The following NOS1 variants were observed in gnomAD, a reference collection of about 807,000 sequenced individuals.
NOS1 encodes the protein nitric oxide synthase 1, also known as NOS type I.
A neutral mutation model predicts 164.5 loss-of-function variants in NOS1; 51 were observed. The observed-to-expected ratio is 0.31, with a 90% CI of 0.25 to 0.39. The LOEUF (loss-of-function observed/expected upper bound fraction) is 0.39. Among genes scored for constraint, NOS1 ranks in the 10% least tolerant of loss-of-function variants. NOS1 has a pLI of 1.00. For synonymous variants in NOS1, 719 were observed against 745.8 expected (o/e 0.96, Z 0.59); for missense variants, 1,362 against 1,885.6 (o/e 0.72, Z 5.14).
chr12:117,273,984 C>T lies in NOS1; in HGVS notation c.1665-1425G>A, dbSNP rs868686009. ...AACACACAGGATTATATTAAACTAA[C>T]AAACGTCTGCAGAGCAAAGAAACAA... On this transcript the variant is annotated intron_variant, in intron 9 of 28. Coordinates refer to ENST00000317775, the MANE Select transcript of NOS1 (RefSeq NM_000620.5). Among the ~76,000 whole-genome samples, 16 of 152,218 alleles carry T rather than the reference C, an allele frequency of 1.1e-4. No individual in the cohort carries two copies. In the Middle Eastern group the frequency reaches 0.017, roughly 162 times the overall value.
chr12:117,266,721 C>T (rs4767525), intron 11 of NOS1, among the ~76,000 whole-genome samples: 99,192 of 151,708 alleles, frequency 0.65, 32,815 homozygotes, highest in South Asian at 0.69. Context: ...GTATTTTTAG[C>T]AGAGATGGGC....
At position 117,338,520 on chromosome 12, in the gene NOS1, G is replaced by A. The variant is rs1875948281; in HGVS notation, c.-420-7031C>T. On this transcript the variant is annotated intron_variant, in intron 1 of 28. Transcript: ENST00000317775. ...GGAGATATACCTAATGCTAAATGAC[G>A]AGTTAATGGGTGCGGCACACCAGCA... 2.0e-5 allele frequency among the ~76,000 whole-genome samples: 3 copies of A among 150,512 alleles called. No homozygotes were observed. In the South Asian group the frequency reaches 6.4e-4, roughly 32 times the overall value.
intron 1 of NOS1, 79 bp downstream of exon 1, chr12:117,361,433 C>G (rs1877150557): frequency 1.3e-5 from 2 of 150,994 alleles, no homozygotes; most frequent in Non-Finnish European, 3.0e-5. Flanking sequence ...CCCTCAGCCT[C>G]AGCGAACCCA....
At chr12:117,233,345 G>A (rs535974861) in intron 21 of NOS1, among the ~76,000 whole-genome samples, 3 of 151,262 alleles carry the variant, frequency 2.0e-5, no homozygotes, top group South Asian at 4.2e-4. Flanking sequence ...AACCATGCCC[G>A]GCCTGATGCC....
chr12:117,294,149 T>A (rs1873245371), intron 3 of NOS1, among the ~76,000 whole-genome samples: 1 of 152,196 alleles, frequency 6.6e-6, no homozygotes, highest in Non-Finnish European at 1.5e-5. Context: ...TCAGCCAGTT[T>A]AGAAACCCTC....
chr12:117,218,127 G>A lies in NOS1; in HGVS notation c.4208C>T (p.Thr1403Ile), dbSNP rs1344522099. ...NRYHEDIFGV[T>I]LRTYEVTNRL... ...GTTGGTCACTTCGTACGTTCGCAGG[G>A]TGACTCCAAAAATATCCTCATGGTA... The change falls in exon 28 of 29, where the codon ACC (threonine) becomes ATC (isoleucine). Residue 1403 changes from threonine to isoleucine, a missense_variant. This residue lies in a region of NOS1 where 737 missense variants were observed against 1,030.3 expected (regional missense o/e 0.72). Transcript: ENST00000317775. 6.2e-7 allele frequency: 1 copy of A among 1,613,968 alleles called. No homozygotes were observed. Among genetic ancestry groups the A allele is most frequent in the Non-Finnish European group, 8.5e-7 (1 of 1,180,010 alleles).
intron 23 of NOS1, 149 bp downstream of exon 23, chr12:117,227,282 G>T: frequency 1.4e-6 from 1 of 736,892 alleles, no homozygotes. Flanking sequence ...CAGTTCACCT[G>T]CTGCTTCTTC....
intron 1 of NOS1, among the ~76,000 whole-genome samples, chr12:117,358,340 A>C: frequency 6.8e-6 from 1 of 147,572 alleles, no homozygotes; most frequent in East Asian, 2.0e-4. Flanking sequence ...CCGCCCTCTC[A>C]CTCTTCTCCG....
chr12:117,319,591 T>C (rs1325831240), intron 2 of NOS1, among the ~76,000 whole-genome samples: 1 of 152,186 alleles, frequency 6.6e-6, no homozygotes, highest in East Asian at 1.9e-4. Context: ...CTGCCACTGG[T>C]TGCCTCACAA....
rs1251852128 is a variant in NOS1, at chr12:117,272,769, G to A, written c.1665-210C>T. Among the ~76,000 whole-genome samples, 1 of 152,142 alleles carries A rather than the reference G, an allele frequency of 6.6e-6. No homozygotes were observed. Among genetic ancestry groups the A allele is most frequent in the Non-Finnish European group, 1.5e-5 (1 of 68,032 alleles). On this transcript the variant is annotated intron_variant, in intron 9 of 28. Coordinates refer to ENST00000317775, the MANE Select transcript of NOS1 (RefSeq NM_000620.5). This position sits in a 1 kb window ranked among gnomAD's most constrained non-coding sequence, Gnocchi z 4.3. ...TTTTAACGTATTTCTCAGGTGCTTC[G>A]GATGGATATTCAGGCCTGGAAACTA...
At chr12:117,276,938 A>G (rs968399393) in intron 9 of NOS1, among the ~76,000 whole-genome samples, 8 of 152,170 alleles carry the variant, frequency 5.3e-5, no homozygotes, top group Non-Finnish European at 5.9e-5. Context: ...ACAGTGCTGC[A>G]ACAAACAAAA....
chr12:117,286,225 T>C lies in NOS1; in HGVS notation c.1169A>G (p.Asn390Ser). ...AGTGCTAGTGGTGTCGATCTCTTTG[T>C]TCACCTCTTCCAGCCTTTCCATGTG... ...KAHMERLEEV[N>S]KEIDTTSTYQ... The change falls in exon 6 of 29, where the codon AAC becomes AGC. Residue 390 changes from asparagine to serine, a missense_variant. This residue lies in a region of NOS1 where 129 missense variants were observed against 186.0 expected (regional missense o/e 0.69). Coordinates refer to ENST00000317775, the MANE Select transcript of NOS1 (RefSeq NM_000620.5). 6.2e-7 allele frequency: 1 copy of C among 1,614,042 alleles called. No individual in the cohort carries two copies. The highest frequency in any genetic ancestry group is 8.5e-7 in the Non-Finnish European group (1 of 1,179,980).
chr12:117,322,776 T>C (rs1875047181), intron 2 of NOS1, among the ~76,000 whole-genome samples: 1 of 127,622 alleles, frequency 7.8e-6, no homozygotes, highest in African/African-American at 3.0e-5. Context: ...CTTCCCTCTC[T>C]CCTTCCTTTC....
intron 20 of NOS1, among the ~76,000 whole-genome samples, chr12:117,240,539 C>T (rs892666884): frequency 1.3e-5 from 2 of 152,198 alleles, no homozygotes; most frequent in African/African-American, 2.4e-5. Context: ...CTGACTTTGG[C>T]GTCAGATAAC....
intron 26 of NOS1, among the ~76,000 whole-genome samples, chr12:117,221,228 C>T (rs1422604741): frequency 6.6e-6 from 1 of 151,906 alleles, no homozygotes; most frequent in Non-Finnish European, 1.5e-5. Flanking sequence ...TCTCAGCTCA[C>T]TACAACCTCC....
chr12:117,292,222 T>A (rs1356764488), intron 3 of NOS1, among the ~76,000 whole-genome samples: 3 of 152,182 alleles, frequency 2.0e-5, no homozygotes, highest in African/African-American at 7.2e-5. Flanking sequence ...AGGGTCAGTA[T>A]AATTCCAGGT....
chr12:117,282,160 T>C (rs1360292184), intron 7 of NOS1, among the ~76,000 whole-genome samples: 2 of 151,984 alleles, frequency 1.3e-5, no homozygotes, highest in African/African-American at 4.8e-5. Context: ...TATTAGGTGT[T>C]AACAATATCT....
chr12:117,214,336 C>T lies in NOS1; in HGVS notation c.*973G>A. Reference sequence around the variant, plus strand: ...GGACAAGTGACCCATCCAAAGTCATCCAGTGGCAAAGTGGGAAGATCCTTA... The same window carrying T: ...GGACAAGTGACCCATCCAAAGTCATTCAGTGGCAAAGTGGGAAGATCCTTA... On this transcript the variant is annotated 3_prime_UTR_variant, in exon 29 of 29. Coordinates refer to ENST00000317775, the MANE Select transcript of NOS1 (RefSeq NM_000620.5). 2.0e-6 allele frequency: 2 copies of T among 985,420 alleles called. No homozygotes were observed. The highest frequency in any genetic ancestry group is 2.4e-6 in the Non-Finnish European group (2 of 829,928). 61.0% of individuals were successfully genotyped at this position (985,420 alleles called of 1,614,324 possible).
rs566943469 is a variant in NOS1, at chr12:117,230,265, C to T, written c.3405+1697G>A. On this transcript the variant is annotated intron_variant, in intron 22 of 28. Coordinates refer to ENST00000317775, the MANE Select transcript of NOS1 (RefSeq NM_000620.5). ...GCAATCTAATAAGGTACCAACAGTA[C>T]AATCTATGATCCTTCTTCCTATTAG... Among the ~76,000 whole-genome samples, 4 of 152,310 alleles carry T rather than the reference C, an allele frequency of 2.6e-5. No individual in the cohort carries two copies. The East Asian group carries it at 5.8e-4, about 22-fold the overall frequency.
Sources: gnomAD v4.1 joint callset for allele counts (sites outside exome capture counted in the v4.1 genomes callset) on GRCh38, gnomAD v4.1.1 for gene constraint, gnomAD v4.1.1 regional missense constraint, Gnocchi (gnomAD v3.1) non-coding constraint, MANE v1.5 for transcripts, NCBI Gene and HGNC (gene_info 2026-07-23, HGNC 2026-07-21) for gene names.